PCNT: variants seen among roughly 807,000 people sequenced by gnomAD.
PCNT encodes the protein pericentrin, also known as kendrin.
In PCNT, 319 loss-of-function variants were observed where a neutral mutation model predicts 380.4. The ratio of observed to expected loss-of-function variants is 0.84; its 90% CI spans 0.77 to 0.92. The LOEUF is 0.92. Ranked by LOEUF, PCNT falls within the 40% of genes least tolerant of loss-of-function variation. The pLI is 0.00. For synonymous variants in PCNT, 1,845 were observed against 1,735.2 expected (o/e 1.06, Z -1.57); for missense variants, 4,400 against 4,255.3 (o/e 1.03, Z -0.95).
rs545321303 is a variant in PCNT at position 46,432,840 on chromosome 21, C to G, written c.8751+625C>G. ...TTTTCCATGTTGGCCAGGCTGGTCT[C>G]AAACTTCTGACCTCAGGTGATCCGC... is the stretch of plus-strand genomic sequence containing the variant. On this transcript the variant is annotated intron_variant, in intron 38 of 46. Coordinates refer to ENST00000359568, the MANE Select transcript of PCNT (RefSeq NM_006031.6). Among the ~76,000 whole-genome samples the G allele has an allele frequency of 2.6e-5, 4 of 152,258 alleles. No homozygotes were observed. The South Asian group carries it at 8.3e-4, about 32-fold the overall frequency.
chr21:46,428,546 C>T lies in PCNT; in HGVS notation c.7646C>T (p.Ala2549Val). The change falls in exon 35 of 47, where the codon GCA (alanine) becomes GTA (valine). Residue 2549 changes from alanine to valine, a missense_variant. Transcript: ENST00000359568. ...LQHLRTALTS[A>V]EARGSQQEHQ... ...CACTTGCGCACGGCGCTGACAAGCG[C>T]AGAGGCGCGCGGGAGCCAGCAGGAG... is the stretch of plus-strand genomic sequence containing the variant. 6.2e-7 allele frequency: 1 copy of T among 1,608,196 alleles called. No individual in the cohort carries two copies. The highest frequency in any genetic ancestry group is 8.5e-7 in the Non-Finnish European group (1 of 1,179,494).
chr21:46,442,736 C>CCCGGCGT lies in PCNT; in HGVS notation c.9700+164_9700+170dup. ...AGCAGTCGTCCAGAGGGAAGGCGCG[C>CCCGGCGT]CCGGCGTAGGGAGGTCAGAGCTCAT... On this transcript the variant is annotated intron_variant, in intron 44 of 46. Transcript: ENST00000359568. 8.9e-6 allele frequency: 6 copies of CCCGGCGT among 675,694 alleles called. No homozygotes were observed. In the South Asian group the frequency reaches 9.5e-5, roughly 11 times the overall value. The allele number at this position is 675,694 out of a possible 1,614,324, so 41.9% of individuals were successfully genotyped here.
At chr21:46,372,627 A>T (rs937031213) in intron 15 of PCNT, among the ~76,000 whole-genome samples, 8 of 152,254 alleles carry the variant, frequency 5.3e-5, no homozygotes, top group African/African-American at 1.9e-4. Context: ...GGTTTTAAAC[A>T]AGGACATGCT....
rs778657553 is a variant in PCNT, at chr21:46,411,201, A to C, written c.5128A>C (p.Arg1710=). Reference sequence around the variant, plus strand: ...CCTCTCTCTTCAGGTCATATATACCAGAAGTTCTGAGATTGAAGAGCTGAA... The same window carrying C: ...CCTCTCTCTTCAGGTCATATATACCCGAAGTTCTGAGATTGAAGAGCTGAA... ...ENTSLKVIYT[R]SSEIEELKAT... The change falls in exon 28 of 47, where the codon AGA becomes CGA. Residue 1710 remains arginine, a synonymous_variant. Transcript: ENST00000359568. 11 of 1,613,724 alleles carry C rather than the reference A, an allele frequency of 6.8e-6. No homozygotes were observed. The highest frequency in any genetic ancestry group is 9.3e-6 in the Non-Finnish European group (11 of 1,179,758).
At chr21:46,442,461 G>A (rs372459956) in intron 43 of PCNT, 36 bp from the exon 44 acceptor site, 22 of 1,336,336 alleles carry the variant, frequency 1.6e-5, no homozygotes, top group South Asian at 1.1e-4. Context: ...CTGTCTTGCC[G>A]TACTTTTAAG....
In PCNT at chr21:46,388,241, C is replaced by T. The variant is rs1435567655; in HGVS notation, c.3465-501C>T. On this transcript the variant is annotated intron_variant, in intron 17 of 46. Coordinates refer to ENST00000359568, the MANE Select transcript of PCNT (RefSeq NM_006031.6). The surrounding 1 kb of genome is among the most constrained non-coding windows in gnomAD (Gnocchi z 4.2). ...AAAAAAAGACAGAAGCATCCCAGAC[C>T]GCACGTCCACGAGGCCTAGCGAGAG... is the stretch of plus-strand genomic sequence containing the variant. 6.6e-6 allele frequency among the ~76,000 whole-genome samples: 1 copy of T among 151,968 alleles called. No homozygotes were observed. The highest frequency in any genetic ancestry group is 2.4e-5 in the African/African-American group (1 of 41,392).
rs145480024 is a variant in PCNT at position 46,425,383 on chromosome 21, G to A, written c.7180-448G>A. ...TCGGCACTGGCCTCAGCCGGACCAC[G>A]CACAGAGGCCTCCTGGGTGGCCATC... On this transcript the variant is annotated intron_variant, in intron 32 of 46. Transcript: ENST00000359568. This position sits in a 1 kb window ranked among gnomAD's most constrained non-coding sequence, Gnocchi z 4.2. Among the ~76,000 whole-genome samples the A allele has an allele frequency of 4.9e-3, 751 of 152,348 alleles. 10 individuals are homozygous for A. The highest frequency in any genetic ancestry group is 0.017 in the African/African-American group (716 of 41,580).
At position 46,373,217 on chromosome 21, in the gene PCNT, G is replaced by A. The variant is rs149039758; in HGVS notation, c.3165+6078G>A. ...TTTTTTGTAGAGATGGGGTCTCACT[G>A]TGTTGCCCAGGCTGGTCTTAAATTC... On this transcript the variant is annotated intron_variant, in intron 15 of 46. Coordinates refer to ENST00000359568, the MANE Select transcript of PCNT (RefSeq NM_006031.6). Among the ~76,000 whole-genome samples the A allele has an allele frequency of 5.9e-4, 90 of 151,844 alleles. 1 individual carries two copies. The highest frequency in any genetic ancestry group is 2.1e-3 in the African/African-American group (87 of 41,410).
Position 46,402,368 on chromosome 21 carries a change from G to C in PCNT, c.5000G>C (p.Gly1667Ala). 8 of 1,611,528 alleles carry C rather than the reference G, an allele frequency of 5.0e-6. No homozygotes were observed. The highest frequency in any genetic ancestry group is 6.8e-6 in the Non-Finnish European group (8 of 1,177,662). Residue 1667 changes from glycine to alanine, a missense_variant, in exon 27 of 47, where the codon GGT (glycine) becomes GCT (alanine). Gly to Ala is a moderately conservative substitution (Grantham distance 60). Transcript: ENST00000359568. Reference sequence around the variant, plus strand: ...AAAGAACAGCTAGAAAAGATGAAAGGTGACTTAGAAAGTAAAAATGAAGAA... The same window carrying C: ...AAAGAACAGCTAGAAAAGATGAAAGCTGACTTAGAAAGTAAAAATGAAGAA... The part of the protein sequence containing the change: ...DLKEQLEKMK[G>A]DLESKNEEIL...
At chr21:46,378,857 G>T (rs543387859) in intron 15 of PCNT, among the ~76,000 whole-genome samples, 2 of 152,020 alleles carry the variant, frequency 1.3e-5, no homozygotes, top group Non-Finnish European at 2.9e-5. Context: ...TCATATTGTC[G>T]TACCAACCAC....
intron 10 of PCNT, 98 bp from the exon 11 acceptor site, chr21:46,353,889 G>C: frequency 1.9e-6 from 2 of 1,040,828 alleles, no homozygotes; most frequent in Non-Finnish European, 2.9e-6. Flanking sequence ...AGCACGAGGA[G>C]GCGCCTCTGC....
intron 30 of PCNT, among the ~76,000 whole-genome samples, 169 bp downstream of exon 30, chr21:46,417,008 T>C (rs566767370): frequency 2.0e-5 from 3 of 152,242 alleles, no homozygotes; most frequent in Admixed American, 2.0e-4. Flanking sequence ...ATTATTTCAG[T>C]TGTTCAGGTA....
chr21:46,417,094 A>G (rs796860422), intron 30 of PCNT, among the ~76,000 whole-genome samples: 4 of 151,938 alleles, frequency 2.6e-5, no homozygotes, highest in East Asian at 1.9e-4. Flanking sequence ...GCTGACTCCA[A>G]CGGGCATAGC....
At chr21:46,347,618 C>A in intron 6 of PCNT, 106 bp downstream of exon 6, 3 of 1,016,318 alleles carry the variant, frequency 3.0e-6, no homozygotes, top group South Asian at 2.5e-5. Context: ...AGAAGCCAGT[C>A]GAGGCTTTAT....
chr21:46,389,501 T>C, intron 19 of PCNT, 70 bp downstream of exon 19: 1 of 1,298,990 alleles, frequency 7.7e-7, no homozygotes, highest in Admixed American at 1.9e-5. Flanking sequence ...CACACGAGCC[T>C]GGTGGATGCC....
At chr21:46,391,505 C>T in intron 21 of PCNT, 129 bp downstream of exon 21, 1 of 740,058 alleles carries the variant, frequency 1.4e-6, no homozygotes. Flanking sequence ...GCAGCTTCTC[C>T]TGGAACACTG....
chr21:46,388,936 GTCCT>G lies in PCNT; in HGVS notation c.3607+53_3607+56del. 1 of 1,548,264 alleles carries G rather than the reference GTCCT, an allele frequency of 6.5e-7. No homozygotes were observed. The highest frequency in any genetic ancestry group is 1.9e-5 in the Admixed American group (1 of 51,810). ...GCCCTGTGCTTGCAGCCCCTCTGTG[GTCCT>G]GGAGCTCTCTGAGAGGAGCCTCCGT... On this transcript the variant is annotated intron_variant, in intron 18 of 46. Coordinates refer to ENST00000359568, the MANE Select transcript of PCNT (RefSeq NM_006031.6). The surrounding 1 kb of genome is among the most constrained non-coding windows in gnomAD (Gnocchi z 4.2).
intron 35 of PCNT, 28 bp from the exon 36 acceptor site, chr21:46,429,982 C>T (rs753420398): frequency 4.4e-6 from 7 of 1,582,922 alleles, no homozygotes; most frequent in East Asian, 4.5e-5. Context: ...CTCATGGGGG[C>T]CTGTTACTGT....
chr21:46,411,401 C>G lies in PCNT; in HGVS notation c.5328C>G (p.Leu1776=), dbSNP rs746383364. The change falls in exon 28 of 47, where the codon CTC becomes CTG. Residue 1776 remains leucine, a synonymous_variant. Coordinates refer to ENST00000359568, the MANE Select transcript of PCNT (RefSeq NM_006031.6). The stretch of plus-strand genomic sequence containing the variant: ...CTGGCAGTCTGCAGAGCGAGCTGCT[C>G]TGCTCCCAGGCCGGGGGCCCTCGTG... ...SQAGSLQSEL[L]CSQAGGPRGQ... is the part of the protein sequence containing the mutation. 5.6e-6 allele frequency: 9 copies of G among 1,613,684 alleles called. No individual in the cohort carries two copies. Among genetic ancestry groups the G allele is most frequent in the Non-Finnish European group, 7.6e-6 (9 of 1,180,002 alleles).
Sources: gnomAD v4.1 joint callset for allele counts (sites outside exome capture counted in the v4.1 genomes callset) on GRCh38, gnomAD v4.1.1 for gene constraint, Gnocchi (gnomAD v3.1) non-coding constraint, MANE v1.5 for transcripts, NCBI Gene and HGNC (gene_info 2026-07-23, HGNC 2026-07-21) for gene names.